Variants in KLF12 observed in about 807,000 individuals in gnomAD.
KLF12 encodes the protein Krueppel-like factor 12.
A neutral mutation model predicts 37.8 loss-of-function variants in KLF12; 9 were observed. That is an observed-to-expected ratio of 0.24 (90% CI 0.14 to 0.42). The LOEUF (loss-of-function observed/expected upper bound fraction) is 0.42, where lower values mean the gene tolerates loss of function less well. Among genes scored for constraint, KLF12 ranks in the 10% least tolerant of loss-of-function variants. The probability of loss-of-function intolerance (pLI) is 1.00; values close to 1 mark genes in which losing one functional copy is unlikely to be tolerated. For synonymous variants in KLF12, 208 were observed against 202.1 expected, an observed-to-expected ratio of 1.03 and a Z score of -0.25; for missense variants, 411 against 516.0, an observed-to-expected ratio of 0.80 and a Z score of 1.97.
At chr13:73,728,841 T>C (rs1876853758) in intron 6 of KLF12, among the ~76,000 whole-genome samples, 2 of 152,200 alleles carry the variant, frequency 1.3e-5, no homozygotes, top group African/African-American at 2.4e-5. Context: ...TCTCCACCCA[T>C]AAGGGATACT....
chr13:74,188,586 C>T, the KLF12 span, among the ~76,000 whole-genome samples: 1 of 152,082 alleles, frequency 6.6e-6, no homozygotes, highest in Non-Finnish European at 1.5e-5. Flanking sequence ...AGTTAACATA[C>T]CAGGTTTGAA....
intron 2 of KLF12, among the ~76,000 whole-genome samples, chr13:73,966,714 C>G (rs1446223181): frequency 1.3e-5 from 2 of 152,160 alleles, no homozygotes; most frequent in Non-Finnish European, 2.9e-5. Flanking sequence ...CAAGAGACAG[C>G]AACCTTAAAG....
chr13:73,728,630 A>C (rs1450717418), intron 6 of KLF12, among the ~76,000 whole-genome samples: 3 of 152,224 alleles, frequency 2.0e-5, no homozygotes, highest in African/African-American at 7.2e-5. Flanking sequence ...TTTCATTACA[A>C]AAGGATGTTG....
chr13:73,699,534 T>C (rs896987159), intron 7 of KLF12, among the ~76,000 whole-genome samples: 1 of 152,214 alleles, frequency 6.6e-6, no homozygotes, highest in South Asian at 2.1e-4. Flanking sequence ...GAAGGTCACA[T>C]GGTATGAAGA....
At chr13:74,025,623 C>T (rs922125299) in intron 1 of KLF12, among the ~76,000 whole-genome samples, 2 of 151,838 alleles carry the variant, frequency 1.3e-5, no homozygotes, top group Non-Finnish European at 2.9e-5. Context: ...TCTGGCACTC[C>T]ACTGCATAGG....
the KLF12 span, among the ~76,000 whole-genome samples, chr13:74,161,547 C>G: frequency 6.6e-6 from 1 of 152,152 alleles, no homozygotes; most frequent in Non-Finnish European, 1.5e-5. Flanking sequence ...GGAACAGATT[C>G]TCCCTCAGAA....
At chr13:74,079,305 C>T (rs1313489686) in intron 1 of KLF12, among the ~76,000 whole-genome samples, 1 of 152,062 alleles carries the variant, frequency 6.6e-6, no homozygotes, top group Non-Finnish European at 1.5e-5. Context: ...ATGTATGGTG[C>T]TGATGGTTGC....
At chr13:73,840,631 G>A (rs904530960) in intron 4 of KLF12, among the ~76,000 whole-genome samples, 2 of 151,996 alleles carry the variant, frequency 1.3e-5, no homozygotes, top group Non-Finnish European at 2.9e-5. Context: ...CCCTTTACTA[G>A]TTCTTCCTAG....
chr13:73,839,916 T>C (rs1263864119), intron 4 of KLF12, among the ~76,000 whole-genome samples: 1 of 152,162 alleles, frequency 6.6e-6, no homozygotes, highest in African/African-American at 2.4e-5. Flanking sequence ...TTAAAACCCC[T>C]CCCTTGAGAA....
At chr13:73,987,121 AACTT>A (rs1278249839) in intron 2 of KLF12, among the ~76,000 whole-genome samples, 2 of 152,192 alleles carry the variant, frequency 1.3e-5, no homozygotes, top group Admixed American at 6.5e-5. Flanking sequence ...AATTTTGAGA[AACTT>A]ACACTCCATT....
intron 2 of KLF12, among the ~76,000 whole-genome samples, chr13:73,953,140 C>T (rs1480125109): frequency 6.6e-6 from 1 of 152,158 alleles, no homozygotes; most frequent in Non-Finnish European, 1.5e-5. Flanking sequence ...AAAGGACCTA[C>T]TACATTCTGG....
chr13:74,026,131 TG>T lies in KLF12; in HGVS notation c.-31-31079del, dbSNP rs1892970622. Among the ~76,000 whole-genome samples the T allele has an allele frequency of 2.1e-5, 3 of 146,230 alleles. No homozygotes were observed. In the South Asian group the frequency reaches 6.6e-4, roughly 32 times the overall value. On this transcript the variant is annotated intron_variant, in intron 1 of 7. Coordinates refer to ENST00000377669, the MANE Select transcript of KLF12 (RefSeq NM_007249.5). ...GCACATGGATTGCAAATTCATTACA[TG>T]AAAAAATTAACTCAAGATTTTGAAG...
chr13:73,738,110 T>TGTATGTGTAC (rs1218452087), intron 6 of KLF12, among the ~76,000 whole-genome samples: 4,567 of 90,068 alleles, frequency 0.051, 431 homozygotes, highest in African/African-American at 0.15. Flanking sequence ...TATATATATA[T>TGTATGTGTAC]ATATATATAT....
intron 3 of KLF12, among the ~76,000 whole-genome samples, chr13:73,916,230 C>A (rs867712950): frequency 6.6e-5 from 5 of 76,334 alleles, no homozygotes; most frequent in African/African-American, 2.0e-4. Flanking sequence ...CACACACACA[C>A]ACACACACAC....
At chr13:73,933,284 G>C (rs1889767859) in intron 3 of KLF12, among the ~76,000 whole-genome samples, 1 of 152,064 alleles carries the variant, frequency 6.6e-6, no homozygotes, top group African/African-American at 2.4e-5. Context: ...TTTAGTGTTT[G>C]CATAACGTAT....
At chr13:73,839,255 G>GTT (rs201534246) in intron 4 of KLF12, among the ~76,000 whole-genome samples, 2 of 92,546 alleles carry the variant, frequency 2.2e-5, no homozygotes. Flanking sequence ...ACCATACCTG[G>GTT]TTATTTTTTT....
intron 4 of KLF12, among the ~76,000 whole-genome samples, chr13:73,813,622 C>T (rs1445272487): frequency 1.3e-5 from 2 of 152,184 alleles, no homozygotes; most frequent in East Asian, 3.9e-4. Context: ...GGTTTCTCCT[C>T]CTCCTTGCTT....
chr13:73,796,507 C>CTG (rs5804694), intron 5 of KLF12, among the ~76,000 whole-genome samples: 7,578 of 140,258 alleles, frequency 0.054, 326 homozygotes, highest in East Asian at 0.14. Context: ...TGCCCCTGTG[C>CTG]TGTGTGTGTG....
rs759071350 is a variant in KLF12, at chr13:73,827,764, T to C, written c.671-14477A>G. ...TTTCATTAGAGACAGGGTTCCACCATGCTGGCCAGGCTGGTCTCAAATTCC... is the reference window on the plus strand; with the variant it reads ...TTTCATTAGAGACAGGGTTCCACCACGCTGGCCAGGCTGGTCTCAAATTCC... On this transcript the variant is annotated intron_variant, in intron 4 of 7. Coordinates refer to ENST00000377669, the MANE Select transcript of KLF12 (RefSeq NM_007249.5). Among the ~76,000 whole-genome samples, 3 of 152,146 alleles carry C rather than the reference T, an allele frequency of 2.0e-5. No homozygotes were observed. The East Asian group carries it at 5.8e-4, about 29-fold the overall frequency.
Sources: gnomAD v4.1 joint callset for allele counts (sites outside exome capture counted in the v4.1 genomes callset) on GRCh38, gnomAD v4.1.1 for gene constraint, MANE v1.5 for transcripts, NCBI Gene and HGNC (gene_info 2026-07-23, HGNC 2026-07-21) for gene names.